LUZP1: variants seen among roughly 807,000 people sequenced by gnomAD.
The protein encoded by LUZP1 is filamin mechanobinding actin cross-linking protein.
LUZP1 carries 25 observed loss-of-function variants against 71.3 expected under a neutral mutation model. That is an observed-to-expected ratio of 0.35 (90% CI 0.26 to 0.49). The LOEUF is 0.49. Ranked by LOEUF, LUZP1 falls within the 20% of genes least tolerant of loss-of-function variation. The probability of loss-of-function intolerance (pLI) is 0.99; values close to 1 mark genes in which losing one functional copy is unlikely to be tolerated. For missense variants in LUZP1, 1,142 were observed against 1,300.8 expected (o/e 0.88, Z 1.88); for synonymous variants, 481 against 506.4 (o/e 0.95, Z 0.67).
intron 1 of LUZP1, among the ~76,000 whole-genome samples, chr1:23,177,004 C>G (rs1644586128): frequency 6.6e-6 from 1 of 152,054 alleles, no homozygotes; most frequent in Non-Finnish European, 1.5e-5. Context: ...GTCTCAGCCT[C>G]CACAGTAGCT....
chr1:23,130,742 A>G (rs991445322), intron 2 of LUZP1, among the ~76,000 whole-genome samples: 1 of 152,048 alleles, frequency 6.6e-6, no homozygotes, highest in Non-Finnish European at 1.5e-5. Flanking sequence ...TACTATTTGT[A>G]TTCATCAATG....
intron 2 of LUZP1, among the ~76,000 whole-genome samples, chr1:23,151,686 C>G (rs1442995349): frequency 1.3e-5 from 2 of 152,056 alleles, no homozygotes; most frequent in African/African-American, 4.8e-5. Context: ...AGTCAAGTAC[C>G]TACTACACAG....
intron 2 of LUZP1, among the ~76,000 whole-genome samples, chr1:23,143,744 TTC>T (rs1457634731): frequency 6.6e-6 from 1 of 152,240 alleles, no homozygotes; most frequent in Non-Finnish European, 1.5e-5. Context: ...CATCCCAGCA[TTC>T]TGTTAGGTGT....
chr1:23,140,668 C>T (rs1644296162), intron 2 of LUZP1: 1 of 152,254 alleles, frequency 6.6e-6, no homozygotes, highest in African/African-American at 2.4e-5. Flanking sequence ...CAGGCATGCT[C>T]GACTGGATCT....
intron 2 of LUZP1, among the ~76,000 whole-genome samples, chr1:23,124,059 T>A (rs35729503): frequency 0.03 from 4,553 of 152,046 alleles, 99 homozygotes; most frequent in Middle Eastern, 0.051. Flanking sequence ...GAAAAATTCC[T>A]CCTGAAAAAA....
At chr1:23,166,645 C>T (rs554059109) in intron 2 of LUZP1, among the ~76,000 whole-genome samples, 1 of 116,968 alleles carries the variant, frequency 8.5e-6, no homozygotes, top group Non-Finnish European at 1.6e-5. Context: ...ACACAGAGCA[C>T]TCCGTCTCAA....
chr1:23,167,796 A>T (rs61781469), intron 2 of LUZP1, among the ~76,000 whole-genome samples: 22,347 of 152,020 alleles, frequency 0.15, 1,950 homozygotes, highest in South Asian at 0.32. Context: ...GGTTCCCTGC[A>T]GGCAGGCTCC....
At chr1:23,091,800 G>A in exon 4 of LUZP1, 1 of 1,614,100 alleles carries the variant, frequency 6.2e-7, no homozygotes, top group Non-Finnish European at 8.5e-7. Context: ...GATATTGCTA[G>A]TGGATGTGTG....
chr1:23,115,082 T>G (rs1194223773), intron 2 of LUZP1, among the ~76,000 whole-genome samples: 1 of 152,228 alleles, frequency 6.6e-6, no homozygotes, highest in Non-Finnish European at 1.5e-5. Flanking sequence ...TTTTTAATAA[T>G]TTTCTATAAG....
At chr1:23,124,063 G>GA (rs533475238) in intron 2 of LUZP1, among the ~76,000 whole-genome samples, 6 of 150,626 alleles carry the variant, frequency 4.0e-5, no homozygotes, top group African/African-American at 9.7e-5. Context: ...AATTCCTCCT[G>GA]AAAAAAAAAA....
At chr1:23,105,937 G>T (rs1053949004) in intron 3 of LUZP1, among the ~76,000 whole-genome samples, 2 of 151,824 alleles carry the variant, frequency 1.3e-5, no homozygotes, top group African/African-American at 4.8e-5. Context: ...CATTACCTTT[G>T]TAGCACATTC....
rs1331818352 is a variant in LUZP1 at position 23,094,373 on chromosome 1, T to G, written c.-112A>C. 1 of 1,470,186 alleles carries G rather than the reference T, an allele frequency of 6.8e-7. No individual in the cohort carries two copies. Among genetic ancestry groups the G allele is most frequent in the African/African-American group, 1.4e-5 (1 of 70,750 alleles). The allele number at this position is 1,470,186 out of a possible 1,614,324, so 91.1% of individuals were successfully genotyped here. ...AATCTTCTTTGACAGCTGGAGACCATCATCAATCTACAAAAGGAAAGTAGA... is the reference window on the plus strand; with the variant it reads ...AATCTTCTTTGACAGCTGGAGACCAGCATCAATCTACAAAAGGAAAGTAGA... On this transcript the variant is annotated 5_prime_UTR_variant, in exon 4 of 5. An upstream start codon of the reference 5' UTR is lost. Transcript: ENST00000302291. This position sits in a 1 kb window ranked among gnomAD's most constrained non-coding sequence, Gnocchi z 4.7.
chr1:23,137,227 T>C (rs1644261690), intron 2 of LUZP1, among the ~76,000 whole-genome samples: 1 of 152,122 alleles, frequency 6.6e-6, no homozygotes, highest in African/African-American at 2.4e-5. Flanking sequence ...TAATAAAAAA[T>C]ATCCAACTAA....
chr1:23,121,389 T>C (rs1487194076), intron 2 of LUZP1, among the ~76,000 whole-genome samples: 3 of 152,208 alleles, frequency 2.0e-5, no homozygotes, highest in Admixed American at 6.5e-5. Context: ...TTTTCTGGCC[T>C]AGAAATTTAT....
At chr1:23,123,511 G>C (rs541873571) in intron 2 of LUZP1, among the ~76,000 whole-genome samples, 42 of 133,776 alleles carry the variant, frequency 3.1e-4, no homozygotes, top group Non-Finnish European at 5.0e-4. Flanking sequence ...AAAAAAAAAA[G>C]CATCATTAGG....
intron 2 of LUZP1, chr1:23,140,792 C>G (rs186294201): frequency 8.5e-5 from 13 of 152,452 alleles, no homozygotes; most frequent in African/African-American, 2.9e-4. Flanking sequence ...GCTGGCAACA[C>G]CTGCTGCTGG....
chr1:23,114,748 G>A (rs574931803), intron 2 of LUZP1, among the ~76,000 whole-genome samples: 2 of 152,170 alleles, frequency 1.3e-5, no homozygotes, highest in African/African-American at 2.4e-5. Context: ...GTAAGACAAC[G>A]CACCCTCTAA....
chr1:23,117,935 C>A (rs548985640), intron 2 of LUZP1, among the ~76,000 whole-genome samples: 3 of 151,732 alleles, frequency 2.0e-5, no homozygotes, highest in African/African-American at 7.3e-5. Flanking sequence ...ACTAAAAATA[C>A]AAAAATTAGC....
At chr1:23,125,582 A>G (rs1644165989) in intron 2 of LUZP1, among the ~76,000 whole-genome samples, 1 of 152,236 alleles carries the variant, frequency 6.6e-6, no homozygotes, top group African/African-American at 2.4e-5. Context: ...AAAGCACATC[A>G]GTCTATACAG....
Sources: gnomAD v4.1 joint callset for allele counts (sites outside exome capture counted in the v4.1 genomes callset) on GRCh38, gnomAD v4.1.1 for gene constraint, Gnocchi (gnomAD v3.1) non-coding constraint, MANE v1.5 for transcripts, NCBI Gene and HGNC (gene_info 2026-07-23, HGNC 2026-07-21) for gene names.